ARSB: variants seen among roughly 807,000 people sequenced by gnomAD.
ARSB encodes the protein arylsulfatase B, also known as N-acetylgalactosamine-4-sulfatase.
ARSB carries 41 observed loss-of-function variants against 50.9 expected under a neutral mutation model. The ratio of observed to expected loss-of-function variants is 0.81; its 90% CI spans 0.63 to 1.04. The LOEUF is 1.04. Among genes scored for constraint, ARSB ranks in the 50% least tolerant of loss-of-function variants. The pLI is 0.00. For synonymous variants in ARSB, 269 were observed against 284.8 expected, an observed-to-expected ratio of 0.94 and a Z score of 0.56; for missense variants, 672 against 693.3, an observed-to-expected ratio of 0.97 and a Z score of 0.35.
At chr5:78,784,892 G>A (rs1749036407) in intron 6 of ARSB, among the ~76,000 whole-genome samples, 1 of 151,392 alleles carries the variant, frequency 6.6e-6, no homozygotes, top group Non-Finnish European at 1.5e-5. Flanking sequence ...TCTGCCTCTG[G>A]AGTTCAAGCA....
chr5:78,900,660 C>A (rs1351489659), intron 4 of ARSB, among the ~76,000 whole-genome samples: 1 of 152,058 alleles, frequency 6.6e-6, no homozygotes, highest in Non-Finnish European at 1.5e-5. Context: ...TTTTGGTCTT[C>A]TATTGAGGGA....
chr5:78,910,470 T>C lies in ARSB; in HGVS notation c.899-24643A>G, dbSNP rs556267820. Among the ~76,000 whole-genome samples the C allele has an allele frequency of 2.6e-5, 4 of 152,344 alleles. No homozygotes were observed. The South Asian group carries it at 8.3e-4, about 32-fold the overall frequency. Reference sequence around the variant, plus strand: ...CCCCATCTATTGTTACATCACATCATAATACATCATTGAAATAGCATTGAT... The same window carrying C: ...CCCCATCTATTGTTACATCACATCACAATACATCATTGAAATAGCATTGAT... On this transcript the variant is annotated intron_variant, in intron 4 of 7. Coordinates refer to ENST00000264914, the MANE Select transcript of ARSB (RefSeq NM_000046.5).
intron 3 of ARSB, among the ~76,000 whole-genome samples, chr5:78,960,723 C>A (rs1751942372): frequency 6.6e-6 from 1 of 152,082 alleles, no homozygotes; most frequent in Non-Finnish European, 1.5e-5. Context: ...TGCCACCAGG[C>A]CTGGCTAATT....
chr5:78,969,374 T>G (rs1190635622), intron 1 of ARSB, among the ~76,000 whole-genome samples, 182 bp from the exon 2 acceptor site: 1 of 152,162 alleles, frequency 6.6e-6, no homozygotes, highest in Non-Finnish European at 1.5e-5. Flanking sequence ...GTAGTGGACA[T>G]AAACAGGATT....
intron 3 of ARSB, 136 bp from the exon 4 acceptor site, chr5:78,955,638 A>C (rs1263605517): frequency 6.6e-6 from 5 of 761,250 alleles, no homozygotes; most frequent in Non-Finnish European, 9.1e-6. Context: ...GTATTTGTGA[A>C]TCACATGTAT....
chr5:78,969,887 G>T (rs540368450), intron 1 of ARSB, among the ~76,000 whole-genome samples: 2 of 152,204 alleles, frequency 1.3e-5, no homozygotes, highest in Non-Finnish European at 2.9e-5. Flanking sequence ...CCAATGTGTT[G>T]GGATTACAGG....
intron 6 of ARSB, among the ~76,000 whole-genome samples, chr5:78,812,934 T>A (rs1200362505): frequency 4.6e-5 from 7 of 152,196 alleles, no homozygotes; most frequent in Non-Finnish European, 5.9e-5. Context: ...GAGGCTGCAG[T>A]GAGCCGTGCT....
intron 6 of ARSB, among the ~76,000 whole-genome samples, chr5:78,788,050 AG>A (rs1208790835): frequency 6.6e-6 from 1 of 152,238 alleles, no homozygotes; most frequent in Non-Finnish European, 1.5e-5. Flanking sequence ...AAGAGAGCAG[AG>A]GGTTTCAGAT....
rs576118245 is a variant in ARSB, at chr5:78,785,247, C to A, written c.1214-3273G>T. On this transcript the variant is annotated intron_variant, in intron 6 of 7. Transcript: ENST00000264914. Reference sequence around the variant, plus strand: ...CTTAATTTGTTATTTTTTTTATAACCTTTTGAATAACAGATATTCAACATT... The same window carrying A: ...CTTAATTTGTTATTTTTTTTATAACATTTTGAATAACAGATATTCAACATT... Among the ~76,000 whole-genome samples, 7 of 151,652 alleles carry A rather than the reference C, an allele frequency of 4.6e-5. No homozygotes were observed. The South Asian group carries it at 1.5e-3, about 32-fold the overall frequency.
intron 1 of ARSB, among the ~76,000 whole-genome samples, chr5:78,982,285 A>AT (rs1287459005): frequency 6.6e-6 from 1 of 152,376 alleles, no homozygotes; most frequent in African/African-American, 2.4e-5. Context: ...AAATTCCTTC[A>AT]TTTTATTGTC....
At chr5:78,926,328 A>T (rs964537638) in intron 4 of ARSB, among the ~76,000 whole-genome samples, 1 of 152,202 alleles carries the variant, frequency 6.6e-6, no homozygotes, top group African/African-American at 2.4e-5. Flanking sequence ...ATTATGTTGC[A>T]TTCTGCATTG....
In ARSB at chr5:78,984,958, C is replaced by G. The variant is rs774979356; in HGVS notation, c.291G>C (p.Gln97His). The change falls in exon 1 of 8, where the codon CAG becomes CAC. Residue 97 changes from glutamine (Q) to histidine (H), a missense_variant. Physicochemically the swap from Gln to His is conservative, Grantham distance 24. Coordinates refer to ENST00000264914, the MANE Select transcript of ARSB (RefSeq NM_000046.5). ...GTACCTGGTAGCGGCCAGTGAGCAG[C>G]TGGCTCCGCGACGGCGTGCACAGCG... ...TQPLCTPSRS[Q>H]LLTGRYQIRT... 2.0e-6 allele frequency: 3 copies of G among 1,474,284 alleles called. No homozygotes were observed. The highest frequency in any genetic ancestry group is 1.4e-5 in the African/African-American group (1 of 69,226). The allele number at this position is 1,474,284 out of a possible 1,614,324, so 91.3% of individuals were successfully genotyped here.
intron 4 of ARSB, among the ~76,000 whole-genome samples, chr5:78,894,021 C>G (rs954613379): frequency 5.9e-5 from 9 of 152,152 alleles, no homozygotes; most frequent in African/African-American, 1.9e-4. Context: ...CCTTTCAGAC[C>G]TAAAACCCAC....
At chr5:78,873,442 C>G (rs1290798715) in intron 5 of ARSB, among the ~76,000 whole-genome samples, 1 of 150,544 alleles carries the variant, frequency 6.6e-6, no homozygotes, top group South Asian at 2.1e-4. Flanking sequence ...ATACCTATAA[C>G]TAGGAGTTCC....
intron 4 of ARSB, among the ~76,000 whole-genome samples, chr5:78,936,637 T>A (rs1424076073): frequency 6.6e-6 from 1 of 152,192 alleles, no homozygotes; most frequent in Non-Finnish European, 1.5e-5. Flanking sequence ...CCTGCAGGTC[T>A]CACTGGTGCC....
chr5:78,964,205 G>A (rs374845817), intron 3 of ARSB, among the ~76,000 whole-genome samples: 46 of 152,036 alleles, frequency 3.0e-4, no homozygotes, highest in Admixed American at 4.6e-4. Flanking sequence ...TTTCTCCCAC[G>A]CCTAATAAAT....
chr5:78,793,287 T>G (rs1743048619), intron 6 of ARSB, among the ~76,000 whole-genome samples: 1 of 152,148 alleles, frequency 6.6e-6, no homozygotes. Context: ...TCCTATAGTA[T>G]CCATCCTATT....
chr5:78,873,312 T>C (rs1475279109), intron 5 of ARSB, among the ~76,000 whole-genome samples: 1 of 151,580 alleles, frequency 6.6e-6, no homozygotes, highest in African/African-American at 2.4e-5. Context: ...TGTGAAAGCG[T>C]GTAGAGAATA....
chr5:78,941,216 C>T (rs990196292), intron 4 of ARSB, among the ~76,000 whole-genome samples: 21 of 151,596 alleles, frequency 1.4e-4, no homozygotes, highest in South Asian at 2.1e-4. Context: ...GATATACAAT[C>T]ATGTCATCTG....
Sources: gnomAD v4.1 joint callset for allele counts (sites outside exome capture counted in the v4.1 genomes callset) on GRCh38, gnomAD v4.1.1 for gene constraint, MANE v1.5 for transcripts, NCBI Gene and HGNC (gene_info 2026-07-23, HGNC 2026-07-21) for gene names.